PPP1CB: variants seen among roughly 807,000 people sequenced by gnomAD.
PPP1CB encodes serine/threonine-protein phosphatase PP1-beta catalytic subunit.
In PPP1CB, 2 loss-of-function variants were observed where a neutral mutation model predicts 43.7. That is an observed-to-expected ratio of 0.05 (90% CI 0.02 to 0.14). PPP1CB has a LOEUF of 0.14. PPP1CB is among the 10% of genes least tolerant of loss of function. The pLI is 1.00. For synonymous variants in PPP1CB, 136 were observed against 135.6 expected (o/e 1.00, Z -0.02); for missense variants, 84 against 398.0 (o/e 0.21, Z 6.71).
In PPP1CB at chr2:28,802,020, G is replaced by A. The variant is rs1667629460; in HGVS notation, c.*2717G>A. 6.6e-6 allele frequency: 1 copy of A among 152,078 alleles called. No individual in the cohort carries two copies. Among genetic ancestry groups the A allele is most frequent in the Non-Finnish European group, 1.5e-5 (1 of 68,004 alleles). 9.4% of individuals were successfully genotyped at this position (152,078 alleles called of 1,614,324 possible). ...ATCCATGCTGCCATATCCCTTCATT[G>A]TAAAAAGTACCTAAACATTCGTGAA... On this transcript the variant is annotated 3_prime_UTR_variant, in exon 8 of 8. Transcript: ENST00000395366.
chr2:28,778,096 T>C (rs958489409), intron 2 of PPP1CB, among the ~76,000 whole-genome samples: 3 of 152,232 alleles, frequency 2.0e-5, no homozygotes, highest in African/African-American at 7.2e-5. Flanking sequence ...CTTAAAATTA[T>C]TAGAATTAAA....
intron 5 of PPP1CB, among the ~76,000 whole-genome samples, chr2:28,785,077 T>C (rs1363401339): frequency 9.6e-6 from 1 of 103,780 alleles, no homozygotes; most frequent in African/African-American, 4.1e-5. Flanking sequence ...TTTTTTTTTT[T>C]TTTTTTTTTT....
At chr2:28,774,116 A>C (rs1400329972) in intron 1 of PPP1CB, among the ~76,000 whole-genome samples, 1 of 152,228 alleles carries the variant, frequency 6.6e-6, no homozygotes, top group Non-Finnish European at 1.5e-5. Context: ...TAAAAATGTT[A>C]CACAATTACT....
intron 7 of PPP1CB, among the ~76,000 whole-genome samples, chr2:28,796,998 G>C (rs1667508955): frequency 6.6e-6 from 1 of 152,056 alleles, no homozygotes; most frequent in African/African-American, 2.4e-5. Flanking sequence ...AAAGGGTGTT[G>C]AATTGTATTG....
intron 7 of PPP1CB, among the ~76,000 whole-genome samples, chr2:28,795,564 G>C (rs184784385): frequency 1.3e-5 from 2 of 152,244 alleles, no homozygotes; most frequent in Admixed American, 1.3e-4. Flanking sequence ...TAATAGTGAT[G>C]ATGAGCATTT....
intron 1 of PPP1CB, among the ~76,000 whole-genome samples, chr2:28,756,481 T>A (rs1334239718): frequency 6.6e-6 from 1 of 152,208 alleles, no homozygotes. Context: ...CTCTTAAGAT[T>A]TAGTTAGGCT....
At chr2:28,793,706 G>A (rs1572470506) in intron 6 of PPP1CB, among the ~76,000 whole-genome samples, 157 bp from the exon 7 acceptor site, 1 of 152,124 alleles carries the variant, frequency 6.6e-6, no homozygotes, top group Non-Finnish European at 1.5e-5. Context: ...AATGTTCTAA[G>A]CAAAGTTTAA....
Position 28,752,003 on chromosome 2 carries a change from T to C in PPP1CB, c.-122T>C, listed in dbSNP as rs1572435686. Reference sequence around the variant, plus strand: ...GGGGAGGGCCCGGGAAAAGGGGGAGTTGGAGCCGGGGTCGAAACGCCGCGT... The same window carrying C: ...GGGGAGGGCCCGGGAAAAGGGGGAGCTGGAGCCGGGGTCGAAACGCCGCGT... On this transcript the variant is annotated 5_prime_UTR_variant, in exon 1 of 8. Transcript: ENST00000395366. 7.9e-6 allele frequency: 7 copies of C among 887,518 alleles called. No homozygotes were observed. The highest frequency in any genetic ancestry group is 3.7e-5 in the African/African-American group (2 of 53,778). The allele number at this position is 887,518 out of a possible 1,614,324, so 55.0% of individuals were successfully genotyped here. A position where few individuals can be genotyped will look rare whatever the true frequency, so the allele number is the denominator to read the frequency against.
intron 6 of PPP1CB, among the ~76,000 whole-genome samples, chr2:28,789,593 A>AT (rs70956041): frequency 0.01 from 1,004 of 96,456 alleles, 16 homozygotes; most frequent in East Asian, 0.017. Flanking sequence ...TATGATTTAG[A>AT]TTTTTTTTTT....
chr2:28,767,981 C>A (rs1160700691), intron 1 of PPP1CB, among the ~76,000 whole-genome samples: 2 of 152,116 alleles, frequency 1.3e-5, no homozygotes, highest in African/African-American at 4.8e-5. Context: ...AGTTGTGTGA[C>A]TGATTAAGTC....
At chr2:28,784,917 C>G (rs868244340) in intron 5 of PPP1CB, among the ~76,000 whole-genome samples, 1 of 79,108 alleles carries the variant, frequency 1.3e-5, no homozygotes, top group Non-Finnish European at 2.3e-5. Context: ...GAAACTGTCT[C>G]AAAAAAAAAA....
chr2:28,797,792 T>A (rs191327324), intron 7 of PPP1CB, among the ~76,000 whole-genome samples: 3 of 152,266 alleles, frequency 2.0e-5, no homozygotes, highest in Non-Finnish European at 4.4e-5. Context: ...ACATTTACAT[T>A]TTTAAAAGAG....
At chr2:28,793,292 ATGTTTTCAGTGTGTAGCCAGTAG>A (rs1421611707) in intron 6 of PPP1CB, among the ~76,000 whole-genome samples, 3 of 152,246 alleles carry the variant, frequency 2.0e-5, no homozygotes, top group Non-Finnish European at 4.4e-5. Context: ...CAACTTAGTA[ATGTTTTCAGTGTGTAGCCAGTAG>A]TGTTTTCAGT....
intron 7 of PPP1CB, among the ~76,000 whole-genome samples, chr2:28,794,414 G>C (rs1667451878): frequency 6.6e-6 from 1 of 152,176 alleles, no homozygotes; most frequent in African/African-American, 2.4e-5. Context: ...TCCCTGGCTG[G>C]GCACGGTGGC....
chr2:28,760,679 A>G (rs566736923), intron 1 of PPP1CB, among the ~76,000 whole-genome samples: 8 of 152,356 alleles, frequency 5.3e-5, no homozygotes, highest in African/African-American at 1.9e-4. Context: ...TGGAGAAATC[A>G]AAATCTAAGT....
intron 1 of PPP1CB, among the ~76,000 whole-genome samples, chr2:28,766,940 G>A (rs1362329649): frequency 6.6e-6 from 1 of 152,028 alleles, no homozygotes; most frequent in Non-Finnish European, 1.5e-5. Context: ...AATTAGCCGG[G>A]CGTGGTGGCG....
Position 28,800,528 on chromosome 2 carries a change from A to AGT in PPP1CB, c.*1227_*1228dup, listed in dbSNP as rs1667592497. 2.0e-5 allele frequency: 3 copies of AGT among 152,498 alleles called. No individual in the cohort carries two copies. 9.4% of individuals were successfully genotyped at this position (152,498 alleles called of 1,614,324 possible). On this transcript the variant is annotated 3_prime_UTR_variant, in exon 8 of 8. Transcript: ENST00000395366. ...ATGATACTGTATAGACAAGCTTTGTAGTGAAGTATAGTAGCAATAATTTCT... is the reference window on the plus strand; with the variant it reads ...ATGATACTGTATAGACAAGCTTTGTAGTGTGAAGTATAGTAGCAATAATTTCT...
intron 1 of PPP1CB, among the ~76,000 whole-genome samples, chr2:28,768,791 T>A (rs1666836183): frequency 1.3e-5 from 2 of 151,890 alleles, no homozygotes; most frequent in South Asian, 4.1e-4. Context: ...CTAATGAAAC[T>A]GAATTGACCA....
chr2:28,794,547 C>T (rs916121300), intron 7 of PPP1CB, among the ~76,000 whole-genome samples: 3 of 151,918 alleles, frequency 2.0e-5, no homozygotes, highest in African/African-American at 7.3e-5. Flanking sequence ...AAAAATTAGC[C>T]GGGCGTGGTA....
Sources: gnomAD v4.1 joint callset for allele counts (sites outside exome capture counted in the v4.1 genomes callset) on GRCh38, gnomAD v4.1.1 for gene constraint, MANE v1.5 for transcripts, NCBI Gene and HGNC (gene_info 2026-07-23, HGNC 2026-07-21) for gene names.